The following NNT variants were observed in gnomAD, a reference collection of about 807,000 sequenced individuals.
NNT encodes nicotinamide nucleotide transhydrogenase.
NNT carries 50 observed loss-of-function variants against 104.8 expected under a neutral mutation model. That is an observed-to-expected ratio of 0.48 (90% CI 0.38 to 0.60). NNT has a LOEUF of 0.60. Among genes scored for constraint, NNT ranks in the 20% least tolerant of loss-of-function variants. The pLI, the probability that NNT is intolerant of heterozygous loss-of-function variation, is 0.00. For synonymous variants in NNT, 461 were observed against 490.4 expected (o/e 0.94, Z 0.79); for missense variants, 1,131 against 1,330.7 (o/e 0.85, Z 2.33).
rs565812541 is a variant in NNT, at chr5:43,643,100, A to G, written c.965-1092A>G. ...CCACCACGTCCAGCTAAGTTTTTTT[A>G]TTTTTGTAGAGATGGGGTCTTGCTA... On this transcript the variant is annotated intron_variant, in intron 7 of 21. Transcript: ENST00000344920. Among the ~76,000 whole-genome samples, 417 of 151,592 alleles carry G rather than the reference A, an allele frequency of 2.8e-3. 2 individuals carry two copies. Among genetic ancestry groups the G allele is most frequent in the Non-Finnish European group, 4.8e-3 (324 of 67,832 alleles).
intron 7 of NNT, among the ~76,000 whole-genome samples, chr5:43,630,030 G>A (rs567024197): frequency 6.6e-6 from 1 of 152,116 alleles, no homozygotes; most frequent in South Asian, 2.1e-4. Context: ...CTGGTTCTTG[G>A]TCATGAACTC....
intron 5 of NNT, among the ~76,000 whole-genome samples, chr5:43,621,509 A>G (rs180785365): frequency 1.2e-4 from 19 of 152,284 alleles, no homozygotes; most frequent in Non-Finnish European, 1.5e-4. Context: ...TAGTGAGGAG[A>G]CAAAAGATCA....
chr5:43,658,431 A>G (rs1172099329), intron 16 of NNT, among the ~76,000 whole-genome samples: 1 of 152,214 alleles, frequency 6.6e-6, no homozygotes, highest in Non-Finnish European at 1.5e-5. Context: ...ATGATACATT[A>G]TAGACATTTT....
chr5:43,620,840 CAA>C (rs1750048091), intron 5 of NNT, among the ~76,000 whole-genome samples: 1 of 152,112 alleles, frequency 6.6e-6, no homozygotes, highest in African/African-American at 2.4e-5. Flanking sequence ...CTTTGATGCA[CAA>C]GTCTACTACT....
intron 4 of NNT, among the ~76,000 whole-genome samples, chr5:43,618,623 TC>T (rs1749911162): frequency 1.3e-5 from 2 of 152,346 alleles, no homozygotes; most frequent in South Asian, 4.1e-4. Flanking sequence ...GTTAGTATTT[TC>T]CTATCTTTCT....
intron 17 of NNT, chr5:43,667,231 A>C (rs1439718914): frequency 9.7e-7 from 1 of 1,030,908 alleles, no homozygotes; most frequent in Admixed American, 1.7e-5. Context: ...GGACTTGGCC[A>C]TGTCTGCACC....
intron 6 of NNT, among the ~76,000 whole-genome samples, chr5:43,626,996 C>T (rs1579995727): frequency 6.6e-6 from 1 of 152,154 alleles, no homozygotes; most frequent in African/African-American, 2.4e-5. Context: ...GGAACACCAA[C>T]TCAGATTGGC....
intron 6 of NNT, among the ~76,000 whole-genome samples, chr5:43,626,825 A>G (rs1750390924): frequency 6.6e-6 from 1 of 150,790 alleles, no homozygotes. Flanking sequence ...TATATAATAT[A>G]TATGTCTGTG....
intron 17 of NNT, among the ~76,000 whole-genome samples, chr5:43,663,619 C>T (rs1195364128): frequency 6.6e-6 from 1 of 152,162 alleles, no homozygotes; most frequent in African/African-American, 2.4e-5. Flanking sequence ...TGCTTAGCGG[C>T]TCTAGGTAGA....
chr5:43,674,426 G>T (rs1020719200), intron 17 of NNT, among the ~76,000 whole-genome samples: 1 of 151,946 alleles, frequency 6.6e-6, no homozygotes, highest in African/African-American at 2.4e-5. Context: ...GAAGATCTTG[G>T]TGCTTTTTTA....
chr5:43,610,458 G>A (rs1035858617), intron 2 of NNT, among the ~76,000 whole-genome samples: 1 of 152,040 alleles, frequency 6.6e-6, no homozygotes, highest in African/African-American at 2.4e-5. Flanking sequence ...ATTCTAGATG[G>A]CAATGTACCC....
rs3834840 is a variant in NNT, at chr5:43,623,253, A to AT, written c.688-771dup. ...AAGCTTCACTGATTCTGTGGGTGGCATTTTTTTTCTACAGGAACAAAGTGT... is the reference window on the plus strand; with the variant it reads ...AAGCTTCACTGATTCTGTGGGTGGCATTTTTTTTTCTACAGGAACAAAGTGT... On this transcript the variant is annotated intron_variant, in intron 5 of 21. Coordinates refer to ENST00000344920, the MANE Select transcript of NNT (RefSeq NM_182977.3). 2.2e-4 allele frequency among the ~76,000 whole-genome samples: 33 copies of AT among 151,968 alleles called. No homozygotes were observed. In the East Asian group the frequency reaches 5.8e-3, roughly 27 times the overall value.
chr5:43,700,396 T>C (rs561407722), intron 20 of NNT, among the ~76,000 whole-genome samples, 159 bp downstream of exon 20: 2 of 152,314 alleles, frequency 1.3e-5, no homozygotes, highest in East Asian at 3.9e-4. Context: ...AAGTGAAATA[T>C]AGTATTGAAT....
At chr5:43,690,225 A>G (rs1277222658) in intron 19 of NNT, among the ~76,000 whole-genome samples, 2 of 152,052 alleles carry the variant, frequency 1.3e-5, no homozygotes, top group Non-Finnish European at 2.9e-5. Flanking sequence ...CCTTCTCGAT[A>G]TCTTGATTTT....
intron 17 of NNT, among the ~76,000 whole-genome samples, chr5:43,674,330 A>G (rs1289003530): frequency 6.6e-6 from 1 of 152,062 alleles, no homozygotes; most frequent in Non-Finnish European, 1.5e-5. Context: ...ACTCAGCATA[A>G]TGGAAATGTC....
At position 43,687,041 on chromosome 5, in the gene NNT, A is replaced by C. The variant is rs550604505; in HGVS notation, c.2876+9235A>C. Among the ~76,000 whole-genome samples, 28 of 152,282 alleles carry C rather than the reference A, an allele frequency of 1.8e-4. 1 individual carries two copies. Among genetic ancestry groups the C allele is most frequent in the South Asian group, 2.1e-4 (1 of 4,826 alleles). On this transcript the variant is annotated intron_variant, in intron 19 of 21. Transcript: ENST00000344920. The stretch of plus-strand genomic sequence containing the variant: ...TTATTGGGCACACTGTGTTGTTTAA[A>C]ACCCCTTCTCTCCTTCTCTCTCTTG...
upstream of NNT, chr5:43,602,890 G>A (rs1283530961): frequency 1.3e-5 from 2 of 152,784 alleles, no homozygotes; most frequent in Admixed American, 1.3e-4. Context: ...TTTGGCACCA[G>A]GTTTGATTGA....
chr5:43,607,514 G>A (rs1218612258), intron 1 of NNT, among the ~76,000 whole-genome samples: 9 of 152,012 alleles, frequency 5.9e-5, no homozygotes, highest in Non-Finnish European at 1.0e-4. Context: ...CTCTCTTTTC[G>A]GACTCAGCCC....
chr5:43,669,914 A>T (rs1054878974), intron 17 of NNT, among the ~76,000 whole-genome samples: 1 of 151,816 alleles, frequency 6.6e-6, no homozygotes, highest in Non-Finnish European at 1.5e-5. Flanking sequence ...CTGGTCCTGG[A>T]CTTTTTTTGG....
Sources: allele counts gnomAD v4.1 joint callset (sites outside exome capture counted in the v4.1 genomes callset), GRCh38; gene constraint gnomAD v4.1.1; transcripts MANE v1.5; gene names NCBI Gene and HGNC (gene_info 2026-07-23, HGNC 2026-07-21).